Variants in RIPK1 observed in about 807,000 individuals in gnomAD.
RIPK1 encodes the protein receptor-interacting serine/threonine-protein kinase 1.
A neutral mutation model predicts 62.4 loss-of-function variants in RIPK1; 27 were observed. The ratio of observed to expected loss-of-function variants is 0.43; its 90% CI spans 0.32 to 0.60. The LOEUF (loss-of-function observed/expected upper bound fraction) is 0.60, where lower values mean the gene tolerates loss of function less well. Ranked by LOEUF, RIPK1 falls within the 20% of genes least tolerant of loss-of-function variation. RIPK1 has a pLI of 0.07. For synonymous variants in RIPK1, 287 were observed against 303.2 expected, an observed-to-expected ratio of 0.95 and a Z score of 0.55; for missense variants, 735 against 831.0, an observed-to-expected ratio of 0.88 and a Z score of 1.42.
At chr6:3,094,750 T>C (rs1760195871) in intron 7 of RIPK1, among the ~76,000 whole-genome samples, 1 of 151,996 alleles carries the variant, frequency 6.6e-6, no homozygotes, top group African/African-American at 2.4e-5. Flanking sequence ...AAATATTGGT[T>C]ATTCGAAAGG....
At chr6:3,083,046 C>G in intron 4 of RIPK1, 39 bp from the exon 5 acceptor site, 1 of 1,595,006 alleles carries the variant, frequency 6.3e-7, no homozygotes, top group Non-Finnish European at 8.6e-7. Context: ...TGCTTACGGC[C>G]TTCACCAAAC....
chr6:3,075,679 T>A (rs1759011880), intron 1 of RIPK1, among the ~76,000 whole-genome samples: 1 of 152,196 alleles, frequency 6.6e-6, no homozygotes, highest in South Asian at 2.1e-4. Flanking sequence ...AGGAATTCTG[T>A]CTGGCCTGGC....
At chr6:3,076,613 G>A (rs924804156) in intron 1 of RIPK1, among the ~76,000 whole-genome samples, 151 bp from the exon 2 acceptor site, 8 of 150,770 alleles carry the variant, frequency 5.3e-5, no homozygotes, top group African/African-American at 7.4e-5. Context: ...CCAGGAGGTC[G>A]AGGCTCCAGT....
At chr6:3,096,091 C>T (rs1413428118) in intron 7 of RIPK1, among the ~76,000 whole-genome samples, 2 of 152,228 alleles carry the variant, frequency 1.3e-5, no homozygotes, top group Non-Finnish European at 2.9e-5. Context: ...CCCTCTTCAG[C>T]TTCCCAAAGT....
intron 3 of RIPK1, among the ~76,000 whole-genome samples, chr6:3,079,757 GTT>G (rs1759279973): frequency 6.6e-6 from 1 of 152,236 alleles, no homozygotes; most frequent in Non-Finnish European, 1.5e-5. Context: ...TGGTATTATA[GTT>G]TGATCAGATT....
chr6:3,094,141 GTACCTACC>G (rs1760153024), intron 7 of RIPK1, among the ~76,000 whole-genome samples: 4 of 143,298 alleles, frequency 2.8e-5, no homozygotes, highest in African/African-American at 8.9e-5. Flanking sequence ...TAACTGCAGA[GTACCTACC>G]TGCCGCACCT....
chr6:3,094,228 T>C (rs182597197), intron 7 of RIPK1, among the ~76,000 whole-genome samples: 1 of 147,684 alleles, frequency 6.8e-6, no homozygotes, highest in Non-Finnish European at 1.5e-5. Flanking sequence ...ACCTAGTAAC[T>C]GCAGTGCACC....
chr6:3,104,335 A>G lies in RIPK1; in HGVS notation c.1006+20A>G. ...ATTCAGGTAAATTACACTATGGTCAAAATCTATTCATTTATTTGTTTGGTT... is the reference window on the plus strand; with the variant it reads ...ATTCAGGTAAATTACACTATGGTCAGAATCTATTCATTTATTTGTTTGGTT... On this transcript the variant is annotated intron_variant, in intron 8 of 10. Coordinates refer to ENST00000259808, the MANE Select transcript of RIPK1 (RefSeq NM_001354930.2). 1 of 1,274,736 alleles carries G rather than the reference A, an allele frequency of 7.8e-7. No individual in the cohort carries two copies. The highest frequency in any genetic ancestry group is 1.1e-6 in the Non-Finnish European group (1 of 872,934). 79.0% of individuals were successfully genotyped at this position (1,274,736 alleles called of 1,614,324 possible).
chr6:3,085,169 G>C (rs1759622864), intron 5 of RIPK1, 90 bp from the exon 6 acceptor site: 5 of 1,417,466 alleles, frequency 3.5e-6, no homozygotes, highest in Non-Finnish European at 3.9e-6. Flanking sequence ...CTGTACCAGA[G>C]GCTGAGAAAA....
At chr6:3,089,703 A>T in intron 7 of RIPK1, 46 bp downstream of exon 7, 1 of 1,009,132 alleles carries the variant, frequency 9.9e-7, no homozygotes, top group Non-Finnish European at 1.5e-6. Flanking sequence ...AGCAAAATAT[A>T]TACTGTCAAT....
chr6:3,089,030 T>C (rs1561760539), intron 6 of RIPK1, among the ~76,000 whole-genome samples: 1 of 152,252 alleles, frequency 6.6e-6, no homozygotes. Flanking sequence ...GTCTGCCTCC[T>C]TCTCTTCTCC....
At chr6:3,084,469 T>TG (rs11430893) in intron 5 of RIPK1, among the ~76,000 whole-genome samples, 141,142 of 152,130 alleles carry the variant, frequency 0.93, 65,664 homozygotes, top group Non-Finnish European at 0.97. Context: ...CTGCTTCTCT[T>TG]CCTGGAGTCC....
At chr6:3,089,129 A>C (rs1247322675) in intron 6 of RIPK1, among the ~76,000 whole-genome samples, 4 of 152,024 alleles carry the variant, frequency 2.6e-5, no homozygotes. Flanking sequence ...AAGTATGTCC[A>C]CTCCATCTTC....
chr6:3,090,296 C>T (rs1483299009), intron 7 of RIPK1, among the ~76,000 whole-genome samples: 2 of 152,104 alleles, frequency 1.3e-5, no homozygotes, highest in Non-Finnish European at 2.9e-5. Context: ...ACCACCCCGC[C>T]CCCCTGCCAA....
chr6:3,068,220 C>A (rs1260212003), upstream of RIPK1: 11 of 985,402 alleles, frequency 1.1e-5, no homozygotes, highest in East Asian at 1.0e-3. Context: ...CTATGCTAAC[C>A]CGCAGAGCTC....
At chr6:3,099,475 C>T (rs540406041) in intron 7 of RIPK1, among the ~76,000 whole-genome samples, 30 of 152,236 alleles carry the variant, frequency 2.0e-4, no homozygotes, top group African/African-American at 7.2e-4. Flanking sequence ...ACCCAGGAGG[C>T]GGAGCTTGCA....
At chr6:3,096,388 T>C (rs1386186800) in intron 7 of RIPK1, among the ~76,000 whole-genome samples, 1 of 152,090 alleles carries the variant, frequency 6.6e-6, no homozygotes, top group Non-Finnish European at 1.5e-5. Flanking sequence ...ACAAAAGGTA[T>C]GTAGTAACTC....
chr6:3,070,845 G>A (rs1384564633), intron 1 of RIPK1, among the ~76,000 whole-genome samples: 1 of 152,192 alleles, frequency 6.6e-6, no homozygotes, highest in Admixed American at 6.5e-5. Context: ...GGATTTTTCC[G>A]AAGACAGATT....
At chr6:3,108,395 G>A (rs1052313909) in intron 9 of RIPK1, among the ~76,000 whole-genome samples, 4 of 152,058 alleles carry the variant, frequency 2.6e-5, no homozygotes, top group Non-Finnish European at 4.4e-5. Flanking sequence ...TCTCCACTTC[G>A]TAACTTTCAT....
Sources: allele counts gnomAD v4.1 joint callset (sites outside exome capture counted in the v4.1 genomes callset), GRCh38; gene constraint gnomAD v4.1.1; transcripts MANE v1.5; gene names NCBI Gene and HGNC (gene_info 2026-07-23, HGNC 2026-07-21).